Variants in REDIC1 observed in about 807,000 individuals in gnomAD.
REDIC1 encodes HEI10 Interacting Protein 1.
the REDIC1 span, among the ~76,000 whole-genome samples, chr12:39,751,567 AT>A: frequency 3.3e-5 from 5 of 152,342 alleles, no homozygotes; most frequent in Admixed American, 6.5e-5. Context: ...TACCCAAAGA[AT>A]TATAAATCAT....
the REDIC1 span, among the ~76,000 whole-genome samples, chr12:39,770,148 T>C: frequency 1.3e-5 from 2 of 152,088 alleles, no homozygotes. Flanking sequence ...TCTAAGGTTC[T>C]ATTTTGGGAC....
the REDIC1 span, chr12:39,872,072 T>C: frequency 1.2e-6 from 1 of 807,696 alleles, no homozygotes; most frequent in East Asian, 3.2e-5. Flanking sequence ...AGAACTACAG[T>C]AATAACATCA....
chr12:39,770,229 A>G, the REDIC1 span, among the ~76,000 whole-genome samples: 1 of 152,004 alleles, frequency 6.6e-6, no homozygotes, highest in African/African-American at 2.4e-5. Context: ...GCTCCTCAAT[A>G]GTTTATTCTG....
At chr12:39,810,002 A>C in the REDIC1 span, among the ~76,000 whole-genome samples, 2 of 152,154 alleles carry the variant, frequency 1.3e-5, no homozygotes, top group Non-Finnish European at 1.5e-5. Context: ...CATGATTTAT[A>C]ATCCTTTGGG....
At chr12:39,905,262 C>T in the REDIC1 span, among the ~76,000 whole-genome samples, 1 of 152,058 alleles carries the variant, frequency 6.6e-6, no homozygotes, top group African/African-American at 2.4e-5. Context: ...ACACACCCTG[C>T]ATTCATCATC....
chr12:39,836,443 C>T, the REDIC1 span, among the ~76,000 whole-genome samples: 1 of 152,044 alleles, frequency 6.6e-6, no homozygotes, highest in African/African-American at 2.4e-5. Context: ...CAGGGATGCC[C>T]TCTCTCACCA....
At chr12:39,679,341 G>A in the REDIC1 span, among the ~76,000 whole-genome samples, 1 of 152,178 alleles carries the variant, frequency 6.6e-6, no homozygotes, top group African/African-American at 2.4e-5. Context: ...ACACAATGCA[G>A]TAGAACTGCT....
At chr12:39,841,749 T>C in the REDIC1 span, among the ~76,000 whole-genome samples, 1 of 152,010 alleles carries the variant, frequency 6.6e-6, no homozygotes, top group Non-Finnish European at 1.5e-5. Context: ...AAAAAAACAG[T>C]AACTAATCTT....
chr12:39,866,238 T>G, the REDIC1 span, among the ~76,000 whole-genome samples: 1 of 152,188 alleles, frequency 6.6e-6, no homozygotes, highest in Non-Finnish European at 1.5e-5. Flanking sequence ...CACGGTTATA[T>G]AATAGTTGAG....
At chr12:39,890,544 G>A in the REDIC1 span, among the ~76,000 whole-genome samples, 1 of 152,166 alleles carries the variant, frequency 6.6e-6, no homozygotes, top group Non-Finnish European at 1.5e-5. Flanking sequence ...GACGGAGGCA[G>A]AAGTAAATCT....
the REDIC1 span, among the ~76,000 whole-genome samples, chr12:39,882,077 T>C: frequency 6.6e-6 from 1 of 152,192 alleles, no homozygotes; most frequent in Non-Finnish European, 1.5e-5. Flanking sequence ...GTCACTCTCA[T>C]GTAGACTTTA....
At chr12:39,689,337 A>T in the REDIC1 span, among the ~76,000 whole-genome samples, 6 of 152,194 alleles carry the variant, frequency 3.9e-5, no homozygotes, top group Non-Finnish European at 7.3e-5. Context: ...GGCATTATAC[A>T]TTTTGTGATA....
At chr12:39,684,819 C>G in the REDIC1 span, 24 of 1,372,722 alleles carry the variant, frequency 1.7e-5, no homozygotes, top group South Asian at 2.7e-4. Context: ...ACAATAATTC[C>G]CAGAGGGAAC....
the REDIC1 span, among the ~76,000 whole-genome samples, chr12:39,860,412 A>G: frequency 3.5e-4 from 54 of 152,346 alleles, no homozygotes; most frequent in African/African-American, 1.2e-3. Flanking sequence ...GAGTCTTGAT[A>G]AAGATCTTAG....
chr12:39,892,603 CTT>C, the REDIC1 span, among the ~76,000 whole-genome samples: 1 of 152,236 alleles, frequency 6.6e-6, no homozygotes, highest in East Asian at 1.9e-4. Context: ...AAACAATAAA[CTT>C]ATTTCTTCAA....
At chr12:39,907,727 A>T in the REDIC1 span, 1 of 150,562 alleles carries the variant, frequency 6.6e-6, no homozygotes. Context: ...GTGAAACAGG[A>T]AGCTGTAAAT....
the REDIC1 span, among the ~76,000 whole-genome samples, chr12:39,775,009 C>T: frequency 6.6e-6 from 1 of 152,146 alleles, no homozygotes; most frequent in African/African-American, 2.4e-5. Flanking sequence ...GCAATTTGAA[C>T]ATTAGAATAT....
the REDIC1 span, chr12:39,755,413 G>C: frequency 2.0e-5 from 3 of 151,876 alleles, no homozygotes; most frequent in East Asian, 3.8e-4. Context: ...ATTTAATCTA[G>C]GTATACATTA....
the REDIC1 span, among the ~76,000 whole-genome samples, chr12:39,772,054 C>T: frequency 6.6e-6 from 1 of 152,038 alleles, no homozygotes; most frequent in East Asian, 1.9e-4. Context: ...GATATTCTCT[C>T]CTCCTCTCAA....
Sources: gnomAD v4.1 joint callset for allele counts (sites outside exome capture counted in the v4.1 genomes callset) on GRCh38, gnomAD v4.1.1 for gene constraint, MANE v1.5 for transcripts, NCBI Gene and HGNC (gene_info 2026-07-23, HGNC 2026-07-21) for gene names.